Variants in CACNA2D3 observed in about 807,000 individuals in gnomAD.
CACNA2D3 encodes the protein voltage-dependent calcium channel subunit alpha-2/delta-3.
A neutral mutation model predicts 160.6 loss-of-function variants in CACNA2D3; 60 were observed. The ratio of observed to expected loss-of-function variants is 0.37; its 90% confidence interval spans 0.30 to 0.46. The LOEUF (loss-of-function observed/expected upper bound fraction) is 0.46, where lower values mean the gene tolerates loss of function less well. Ranked by LOEUF, CACNA2D3 falls within the 20% of genes least tolerant of loss-of-function variation. The pLI, the probability that CACNA2D3 is intolerant of heterozygous loss-of-function variation, is 1.00. For synonymous variants in CACNA2D3, 558 were observed against 492.9 expected, an observed-to-expected ratio of 1.13 and a Z score of -1.75; for missense variants, 1,205 against 1,365.0, an observed-to-expected ratio of 0.88 and a Z score of 1.85.
intron 11 of CACNA2D3, among the ~76,000 whole-genome samples, chr3:54,678,832 A>T (rs1360999064): frequency 6.6e-6 from 1 of 151,726 alleles, no homozygotes; most frequent in Non-Finnish European, 1.5e-5. Flanking sequence ...AAATTAAATG[A>T]TAATGAATTA....
In CACNA2D3 at chr3:54,274,535, CA is replaced by C. The variant is rs1702692959; in HGVS notation, c.205-45904del. On this transcript the variant is annotated intron_variant, in intron 2 of 37. Coordinates refer to ENST00000474759, the MANE Select transcript of CACNA2D3 (RefSeq NM_018398.3). ...ATTGTATTAGTTATCTATTGTATTG[CA>C]AATTACCCCCAAAATTATCTATTGT... 2.0e-5 allele frequency among the ~76,000 whole-genome samples: 3 copies of C among 152,182 alleles called. No individual in the cohort carries two copies. In the South Asian group the frequency reaches 6.2e-4, roughly 32 times the overall value.
At chr3:54,210,614 G>A (rs1449361566) in intron 2 of CACNA2D3, among the ~76,000 whole-genome samples, 1 of 152,136 alleles carries the variant, frequency 6.6e-6, no homozygotes, top group East Asian at 1.9e-4. Flanking sequence ...TAATGGACTT[G>A]GAAAGACAGT....
chr3:54,685,148 AG>A (rs774595725), intron 11 of CACNA2D3, among the ~76,000 whole-genome samples: 1 of 152,194 alleles, frequency 6.6e-6, no homozygotes, highest in Non-Finnish European at 1.5e-5. Context: ...AAAAATGCAG[AG>A]GGATGGACTT....
intron 11 of CACNA2D3, among the ~76,000 whole-genome samples, chr3:54,661,932 G>A (rs1699981774): frequency 6.8e-6 from 1 of 148,082 alleles, no homozygotes; most frequent in Non-Finnish European, 1.5e-5. Flanking sequence ...TATCCCCCCT[G>A]GATCACCACT....
At chr3:54,769,748 T>G (rs1702284931) in intron 13 of CACNA2D3, among the ~76,000 whole-genome samples, 1 of 152,210 alleles carries the variant, frequency 6.6e-6, no homozygotes, top group Admixed American at 6.5e-5. Context: ...TTCTTTGAGC[T>G]GGGTCTCACA....
intron 34 of CACNA2D3, among the ~76,000 whole-genome samples, chr3:55,012,922 C>T (rs1703241425): frequency 6.6e-6 from 1 of 152,028 alleles, no homozygotes; most frequent in Non-Finnish European, 1.5e-5. Flanking sequence ...CACCCCCACC[C>T]CAGCTGGACC....
At position 55,074,324 on chromosome 3, in the gene CACNA2D3, G is replaced by A. The variant is rs763482882; in HGVS notation, c.*118G>A. 3.5e-5 allele frequency: 28 copies of A among 794,446 alleles called. No individual in the cohort carries two copies. The highest frequency in any genetic ancestry group is 5.5e-5 in the Non-Finnish European group (25 of 453,852). 49.2% of individuals were successfully genotyped at this position (794,446 alleles called of 1,614,324 possible). ...AGACATGAATATAGTCCAACCATCA[G>A]CATCTCATCATGATTTTAAACTGTG... On this transcript the variant is annotated 3_prime_UTR_variant, in exon 38 of 38. Transcript: ENST00000474759.
chr3:54,317,696 A>C (rs1435611666), intron 2 of CACNA2D3, among the ~76,000 whole-genome samples: 1 of 152,028 alleles, frequency 6.6e-6, no homozygotes. Context: ...CACCACCATA[A>C]CTGACTAATT....
At chr3:54,820,441 A>G (rs1375525094) in intron 14 of CACNA2D3, among the ~76,000 whole-genome samples, 2 of 152,178 alleles carry the variant, frequency 1.3e-5, no homozygotes, top group African/African-American at 4.8e-5. Context: ...TTTGAAAAAA[A>G]ATATTATTTT....
intron 13 of CACNA2D3, among the ~76,000 whole-genome samples, chr3:54,800,613 A>G (rs1037897851): frequency 6.6e-6 from 1 of 152,196 alleles, no homozygotes; most frequent in Non-Finnish European, 1.5e-5. Context: ...CCTTAGCTAT[A>G]TGTAATATGA....
rs111356988 is a variant in CACNA2D3 at position 54,626,252 on chromosome 3, G to C, written c.964-1535G>C. On this transcript the variant is annotated intron_variant, in intron 9 of 37. Coordinates refer to ENST00000474759, the MANE Select transcript of CACNA2D3 (RefSeq NM_018398.3). ...GAGCAGAAGAAGCAGACCTTCCGCA[G>C]GTTCACCTACCGTGGCGTGGACCTG... 3,452 of 1,205,820 alleles carry C rather than the reference G, an allele frequency of 2.9e-3. 82 individuals carry two copies. The African/African-American group carries it at 0.046, about 16-fold the overall frequency. The allele number at this position is 1,205,820 out of a possible 1,614,324, so 74.7% of individuals were successfully genotyped here. A position where few individuals can be genotyped will look rare whatever the true frequency, so the allele number is the denominator to read the frequency against.
chr3:54,473,527 A>G (rs1206482373), intron 4 of CACNA2D3, among the ~76,000 whole-genome samples: 1 of 152,256 alleles, frequency 6.6e-6, no homozygotes. Flanking sequence ...GCCAAAATTG[A>G]GAAATGAGAT....
chr3:54,700,049 C>A (rs1162499756), intron 11 of CACNA2D3, among the ~76,000 whole-genome samples: 1 of 152,182 alleles, frequency 6.6e-6, no homozygotes, highest in Non-Finnish European at 1.5e-5. Context: ...GGAGCAGAAT[C>A]CACTCCTAGC....
chr3:55,012,052 T>C (rs1240449334), intron 34 of CACNA2D3, among the ~76,000 whole-genome samples: 3 of 152,216 alleles, frequency 2.0e-5, no homozygotes, highest in Admixed American at 6.5e-5. Flanking sequence ...TGAATCAGAC[T>C]GTGAGCTCTG....
intron 11 of CACNA2D3, among the ~76,000 whole-genome samples, chr3:54,727,643 A>G (rs190031441): frequency 4.6e-5 from 7 of 152,336 alleles, no homozygotes; most frequent in Non-Finnish European, 8.8e-5. Context: ...CATTCTCAGC[A>G]AACTATCACA....
rs137893742 is a variant in CACNA2D3, at chr3:54,513,951, G to A, written c.544+10297G>A. On this transcript the variant is annotated intron_variant, in intron 5 of 37. Transcript: ENST00000474759. ...GCCTCCCAAAGTGCTGGGATTACAG[G>A]CATGAGCCACCGCACCCAGCCGTCA... Among the ~76,000 whole-genome samples the A allele has an allele frequency of 1.2e-3, 177 of 152,300 alleles. 3 individuals carry two copies. Among genetic ancestry groups the A allele is most frequent in the African/African-American group, 4.0e-3 (166 of 41,550 alleles).
At chr3:54,661,085 A>G (rs1295598965) in intron 11 of CACNA2D3, among the ~76,000 whole-genome samples, 1 of 152,188 alleles carries the variant, frequency 6.6e-6, no homozygotes, top group Non-Finnish European at 1.5e-5. Flanking sequence ...GCGAACTGAA[A>G]GTAAGATGTC....
chr3:54,713,713 G>A (rs1331668020), intron 11 of CACNA2D3, among the ~76,000 whole-genome samples: 2 of 152,194 alleles, frequency 1.3e-5, no homozygotes, highest in African/African-American at 4.8e-5. Flanking sequence ...ATAACTCTGG[G>A]AGGGTTCATA....
At chr3:54,667,294 G>C (rs1700084533) in intron 11 of CACNA2D3, among the ~76,000 whole-genome samples, 1 of 152,066 alleles carries the variant, frequency 6.6e-6, no homozygotes, top group Admixed American at 6.6e-5. Context: ...AGAGTGAACT[G>C]TATGAATTGG....
Sources: allele counts gnomAD v4.1 joint callset (sites outside exome capture counted in the v4.1 genomes callset), GRCh38; gene constraint gnomAD v4.1.1; transcripts MANE v1.5; gene names NCBI Gene and HGNC (gene_info 2026-07-23, HGNC 2026-07-21).